Variants in ATP2B2 observed in about 807,000 individuals in gnomAD.
ATP2B2 encodes ATPase plasma membrane Ca2+ transporting 2, also known as plasma membrane calcium-transporting ATPase 2.
In ATP2B2, 15 loss-of-function variants were observed where a neutral mutation model predicts 120.0. That is an observed-to-expected ratio of 0.12 (90% CI 0.08 to 0.19). The LOEUF is 0.19. ATP2B2 is among the 10% of genes least tolerant of loss of function. ATP2B2 has a pLI of 1.00. For missense variants in ATP2B2, 1,045 were observed against 1,719.8 expected (o/e 0.61, Z 6.94); for synonymous variants, 694 against 700.3 (o/e 0.99, Z 0.14).
chr3:10,646,568 C>G (rs2070326149), intron 1 of ATP2B2, among the ~76,000 whole-genome samples: 1 of 152,034 alleles, frequency 6.6e-6, no homozygotes, highest in Non-Finnish European at 1.5e-5. Flanking sequence ...GAATGGGGGC[C>G]TCTATCAGCT....
chr3:10,337,616 C>T (rs1376949506), intron 22 of ATP2B2, among the ~76,000 whole-genome samples: 1 of 152,138 alleles, frequency 6.6e-6, no homozygotes, highest in Non-Finnish European at 1.5e-5. Flanking sequence ...CCTGTGCTCC[C>T]CTGGTGTGCT....
intron 14 of ATP2B2, among the ~76,000 whole-genome samples, chr3:10,351,317 G>T (rs1189446591): frequency 6.6e-6 from 1 of 152,130 alleles, no homozygotes; most frequent in Non-Finnish European, 1.5e-5. Context: ...CTGGAGCTGG[G>T]GCACCCCTTT....
intron 2 of ATP2B2, among the ~76,000 whole-genome samples, chr3:10,423,403 C>A (rs1299821913): frequency 1.3e-5 from 2 of 152,210 alleles, no homozygotes; most frequent in Non-Finnish European, 2.9e-5. Context: ...ACCCTGACCC[C>A]TGGCCCAGGC....
chr3:10,533,765 T>C (rs575573200), intron 3 of ATP2B2, among the ~76,000 whole-genome samples: 23 of 152,346 alleles, frequency 1.5e-4, no homozygotes, highest in African/African-American at 5.3e-4. Flanking sequence ...AGACCCTGGA[T>C]TGACAACCAT....
chr3:10,564,639 G>T (rs2067973640), intron 2 of ATP2B2, among the ~76,000 whole-genome samples: 1 of 152,080 alleles, frequency 6.6e-6, no homozygotes, highest in Non-Finnish European at 1.5e-5. Flanking sequence ...TGATTTTGTG[G>T]CCAGAGCCTC....
intron 2 of ATP2B2, among the ~76,000 whole-genome samples, chr3:10,418,155 C>T (rs2062852208): frequency 6.6e-6 from 1 of 152,080 alleles, no homozygotes; most frequent in Admixed American, 6.5e-5. Context: ...GTGAGCTACA[C>T]CAGAGGACTC....
intron 5 of ATP2B2, among the ~76,000 whole-genome samples, chr3:10,389,819 G>A (rs1239362095): frequency 1.3e-5 from 2 of 152,154 alleles, no homozygotes; most frequent in African/African-American, 4.8e-5. Flanking sequence ...GCCCCCTGAA[G>A]CCATGGCCTC....
At chr3:10,667,954 G>A (rs1279486315) in intron 1 of ATP2B2, among the ~76,000 whole-genome samples, 1 of 139,818 alleles carries the variant, frequency 7.2e-6, no homozygotes, top group East Asian at 2.4e-4. Flanking sequence ...AAGGGCTGTT[G>A]TTTCCTTTCT....
intron 1 of ATP2B2, among the ~76,000 whole-genome samples, chr3:10,486,979 T>C (rs151100744): frequency 0.035 from 5,350 of 152,164 alleles, 307 homozygotes; most frequent in African/African-American, 0.12. Flanking sequence ...CTGCCTGCCT[T>C]GGCCTCCCAA....
At chr3:10,630,370 T>C (rs1283225039) in intron 1 of ATP2B2, among the ~76,000 whole-genome samples, 1 of 152,128 alleles carries the variant, frequency 6.6e-6, no homozygotes, top group Non-Finnish European at 1.5e-5. Flanking sequence ...TACAGGTCCA[T>C]GTGTTCTCAT....
intron 7 of ATP2B2, 115 bp downstream of exon 7, chr3:10,386,365 C>T (rs2061679753): frequency 8.1e-7 from 1 of 1,228,010 alleles, no homozygotes; most frequent in Non-Finnish European, 1.2e-6. Flanking sequence ...GTGGAGCCAC[C>T]CACAGGCATG....
intron 1 of ATP2B2, among the ~76,000 whole-genome samples, chr3:10,689,775 C>T (rs1399535030): frequency 5.9e-5 from 9 of 152,198 alleles, no homozygotes; most frequent in Admixed American, 6.5e-5. Context: ...TGGAGGGAGG[C>T]TGGTGGATGT....
intron 2 of ATP2B2, among the ~76,000 whole-genome samples, chr3:10,578,799 G>A (rs1446954886): frequency 6.6e-6 from 1 of 152,156 alleles, no homozygotes; most frequent in Non-Finnish European, 1.5e-5. Flanking sequence ...AGTGAAATAA[G>A]CCAGGCAGGA....
chr3:10,599,118 C>G (rs1335480490), intron 2 of ATP2B2, among the ~76,000 whole-genome samples: 1 of 152,224 alleles, frequency 6.6e-6, no homozygotes, highest in Non-Finnish European at 1.5e-5. Flanking sequence ...GGGCCTTAGT[C>G]CACACTCTGT....
At chr3:10,578,205 G>A (rs911751474) in intron 2 of ATP2B2, among the ~76,000 whole-genome samples, 6 of 152,162 alleles carry the variant, frequency 3.9e-5, no homozygotes, top group Non-Finnish European at 8.8e-5. Context: ...GCTCTCATAC[G>A]TTGCTGGTGG....
intron 2 of ATP2B2, among the ~76,000 whole-genome samples, chr3:10,445,606 T>G (rs1426682691): frequency 6.6e-6 from 1 of 152,252 alleles, no homozygotes; most frequent in East Asian, 1.9e-4. Flanking sequence ...CACCCTGAGC[T>G]GGCTGCCAGC....
chr3:10,601,503 A>G (rs965362832), intron 2 of ATP2B2, among the ~76,000 whole-genome samples: 39 of 152,264 alleles, frequency 2.6e-4, no homozygotes, highest in African/African-American at 9.4e-4. Flanking sequence ...CGGTTACCTC[A>G]TTTATAAATG....
chr3:10,695,285 A>T (rs2071726747), intron 1 of ATP2B2, among the ~76,000 whole-genome samples: 1 of 149,494 alleles, frequency 6.7e-6, no homozygotes, highest in Non-Finnish European at 1.5e-5. Context: ...AGAGAGAGAG[A>T]CAGCTTGTGC....
chr3:10,543,318 T>C (rs564496073), intron 2 of ATP2B2, among the ~76,000 whole-genome samples: 1 of 152,342 alleles, frequency 6.6e-6, no homozygotes, highest in Non-Finnish European at 1.5e-5. Flanking sequence ...ACTGAGCTTG[T>C]TGAGTTTGGG....
Sources: allele counts gnomAD v4.1 joint callset (sites outside exome capture counted in the v4.1 genomes callset), GRCh38; gene constraint gnomAD v4.1.1; transcripts MANE v1.5; gene names NCBI Gene and HGNC (gene_info 2026-07-23, HGNC 2026-07-21).